The following ERCC6L variants were observed in gnomAD, a reference collection of about 807,000 sequenced individuals.
The protein encoded by ERCC6L is DNA excision repair protein ERCC-6-like.
ERCC6L carries 7 observed loss-of-function variants against 20.1 expected under a neutral mutation model. The ratio of observed to expected loss-of-function variants is 0.35; its 90% CI spans 0.20 to 0.65. The LOEUF (loss-of-function observed/expected upper bound fraction) is 0.65, where lower values mean the gene tolerates loss of function less well. ERCC6L is among the 30% of genes least tolerant of loss of function. ERCC6L has a pLI of 0.69. For missense variants in ERCC6L, 592 were observed against 892.4 expected (o/e 0.66, Z 4.29); for synonymous variants, 278 against 331.3 (o/e 0.84, Z 1.75).
intron 1 of ERCC6L, among the ~76,000 whole-genome samples, chrX:72,231,477 T>A (rs1323634538): frequency 9.0e-6 from 1 of 111,335 alleles, no homozygotes; most frequent in East Asian, 2.8e-4. Flanking sequence ...GAGGAATAGG[T>A]TCTAGTGATC....
chrX:72,213,819 CGT>C (rs1288843819), intron 1 of ERCC6L, among the ~76,000 whole-genome samples: 1 of 111,648 alleles, frequency 9.0e-6, no homozygotes, highest in Non-Finnish European at 1.9e-5. Flanking sequence ...CCTTGGAATC[CGT>C]GAGGCCAAGA....
At chrX:72,227,647 T>C (rs768021285) in intron 1 of ERCC6L, among the ~76,000 whole-genome samples, 1 of 111,322 alleles carries the variant, frequency 9.0e-6, no homozygotes, top group African/African-American at 3.3e-5. Flanking sequence ...CCACAACCCA[T>C]CACTGACTCC....
chrX:72,235,591 T>A (rs2043013037), intron 1 of ERCC6L, among the ~76,000 whole-genome samples: 1 of 109,600 alleles, frequency 9.1e-6, no homozygotes, highest in Non-Finnish European at 1.9e-5. Context: ...AACGGTTTCA[T>A]CACGTTGGCC....
Position 72,205,825 on chromosome X carries a change from A to G in ERCC6L, c.2942T>C (p.Leu981Ser). 8.3e-7 allele frequency: 1 copy of G among 1,211,810 alleles called. No homozygotes were observed. Among genetic ancestry groups the G allele is most frequent in the Non-Finnish European group, 1.1e-6 (1 of 895,523 alleles). Residue 981 changes from leucine to serine, a missense_variant, in exon 2 of 2, where the codon TTG becomes TCG. Around this residue, in one of 3 missense-constraint regions of ERCC6L, gnomAD observed 352 missense variants for 402.6 expected, o/e 0.87. Coordinates refer to ENST00000334463, the MANE Select transcript of ERCC6L (RefSeq NM_017669.4). ...SLEHVEKENS[L>S]CGSAPNSRAG... The stretch of plus-strand genomic sequence containing the variant: ...TCTGGAATTAGGTGCAGAGCCACAC[A>G]AGCTATTTTCTTTCTCAACATGCTC...
Position 72,206,606 on chromosome X carries a change from G to C in ERCC6L, c.2161C>G (p.Gln721Glu). ...GCCCCCTCATTTCTAGTTCTTTGTTGTTCCATCAGGAACTCTTTATTTTGA... is the reference window on the plus strand; with the variant it reads ...GCCCCCTCATTTCTAGTTCTTTGTTCTTCCATCAGGAACTCTTTATTTTGA... ...ESQNKEFLME[Q>E]QRTRNEGAWL... Residue 721 changes from glutamine to glutamate, a missense_variant, in exon 2 of 2, where the codon CAA (glutamine) becomes GAA (glutamate). Physicochemically the swap from Gln to Glu is conservative, Grantham distance 29. This residue lies in a region of ERCC6L where 352 missense variants were observed against 402.6 expected (regional missense o/e 0.87). Coordinates refer to ENST00000334463, the MANE Select transcript of ERCC6L (RefSeq NM_017669.4). The C allele has an allele frequency of 8.3e-7, 1 of 1,211,037 alleles. No individual in the cohort carries two copies. The highest frequency in any genetic ancestry group is 1.1e-6 in the Non-Finnish European group (1 of 895,320).
chrX:72,219,538 A>T (rs1163392805), intron 1 of ERCC6L, among the ~76,000 whole-genome samples: 1 of 103,291 alleles, frequency 9.7e-6, no homozygotes, highest in Non-Finnish European at 2.0e-5. Flanking sequence ...TGGACAACAG[A>T]CTCTGCCTCA....
chrX:72,212,420 C>T (rs1358113726), intron 1 of ERCC6L, among the ~76,000 whole-genome samples: 1 of 111,903 alleles, frequency 8.9e-6, no homozygotes, highest in African/African-American at 3.2e-5. Context: ...AACCTTTCTT[C>T]TCCACAGAGG....
chrX:72,229,022 C>T (rs920388761), intron 1 of ERCC6L, among the ~76,000 whole-genome samples: 2 of 111,183 alleles, frequency 1.8e-5, no homozygotes, highest in African/African-American at 6.6e-5. Flanking sequence ...ACACCCTGGT[C>T]GGCAATTATC....
intron 1 of ERCC6L, among the ~76,000 whole-genome samples, chrX:72,232,167 AAAT>A (rs1480587020): frequency 9.1e-6 from 1 of 109,650 alleles, no homozygotes; most frequent in African/African-American, 3.3e-5. Flanking sequence ...AAATAAAATA[AAAT>A]AATGCCAAAG....
intron 1 of ERCC6L, among the ~76,000 whole-genome samples, chrX:72,229,720 C>T (rs2042972721): frequency 1.8e-5 from 2 of 111,631 alleles, no homozygotes; most frequent in Non-Finnish European, 3.8e-5. Context: ...CCCATCCCAC[C>T]CATCCAATAT....
In ERCC6L at chrX:72,206,205, T is replaced by C; in HGVS notation, c.2562A>G (p.Gln854=). The change falls in exon 2 of 2, where the codon CAA becomes CAG. Residue 854 remains glutamine, a synonymous_variant. Transcript: ENST00000334463. ...QKETLQEGPK[Q]EALQEDPLES... ...CCAGAGGATCCTCTTGCAGTGCCTC[T>C]TGCTTAGGCCCCTCTTGTAATGTCT... is the stretch of plus-strand genomic sequence containing the variant. 2 of 1,211,813 alleles carry C rather than the reference T, an allele frequency of 1.7e-6. No homozygotes were observed. Among genetic ancestry groups the C allele is most frequent in the South Asian group, 3.5e-5 (2 of 56,978 alleles).
intron 1 of ERCC6L, among the ~76,000 whole-genome samples, chrX:72,209,881 G>A (rs938642079): frequency 6.3e-5 from 7 of 111,319 alleles, no homozygotes; most frequent in Non-Finnish European, 1.3e-4. Flanking sequence ...GGATATCCAT[G>A]TGCAAAAGAA....
At chrX:72,231,289 A>G (rs984524935) in intron 1 of ERCC6L, among the ~76,000 whole-genome samples, 2 of 112,084 alleles carry the variant, frequency 1.8e-5, no homozygotes, top group African/African-American at 6.5e-5. Context: ...AACCTAAAAG[A>G]CATTTTGCTA....
intron 1 of ERCC6L, among the ~76,000 whole-genome samples, chrX:72,222,147 CT>C (rs1285405708): frequency 9.0e-6 from 1 of 111,164 alleles, no homozygotes; most frequent in East Asian, 2.8e-4. Flanking sequence ...CGGGAAGTGG[CT>C]GGGGTTGAAG....
rs765734663 is a variant in ERCC6L at position 72,208,641 on chromosome X, T to G, written c.126A>C (p.Lys42Asn). 6 of 1,209,576 alleles carry G rather than the reference T, an allele frequency of 5.0e-6. No homozygotes were observed. The South Asian group carries it at 1.1e-4, about 21-fold the overall frequency. ...AAATGTCCTTTGCCAAATTGAAAAG[T>G]TTAAATGCTTCTTCCAGGTCTCCAT... Reference protein sequence around the residue: ...TKNGDLEEAFKLFNLAKDIFP... With the variant: ...TKNGDLEEAFNLFNLAKDIFP... Residue 42 changes from lysine (K) to asparagine (N), a missense_variant, in exon 2 of 2, where the codon AAA becomes AAC. Lys to Asn is a moderately conservative substitution (Grantham distance 94). Coordinates refer to ENST00000334463, the MANE Select transcript of ERCC6L (RefSeq NM_017669.4).
At chrX:72,220,997 G>A (rs1285538615) in intron 1 of ERCC6L, among the ~76,000 whole-genome samples, 1 of 111,672 alleles carries the variant, frequency 9.0e-6, no homozygotes, top group Non-Finnish European at 1.9e-5. Context: ...AGGGTCTCTG[G>A]TCACCTGCCC....
At position 72,207,120 on chromosome X, in the gene ERCC6L, A is replaced by G; in HGVS notation, c.1647T>C (p.Thr549=). The G allele has an allele frequency of 1.7e-6, 2 of 1,211,485 alleles. No homozygotes were observed. The highest frequency in any genetic ancestry group is 2.2e-6 in the Non-Finnish European group (2 of 895,397). Reference sequence around the variant, plus strand: ...AGCTAGGGTCAAAAATGACCACTCTAGTTGCTGCAGTTAATGTTAAACCGA... The same window carrying G: ...AGCTAGGGTCAAAAATGACCACTCTGGTTGCTGCAGTTAATGTTAAACCGA... The part of the protein sequence containing the change: ...GGVGLTLTAA[T]RVVIFDPSWN... Residue 549 remains threonine (T), a synonymous_variant, in exon 2 of 2, where the codon ACT becomes ACC. Transcript: ENST00000334463.
At chrX:72,233,576 G>A (rs1265836568) in intron 1 of ERCC6L, among the ~76,000 whole-genome samples, 1 of 109,087 alleles carries the variant, frequency 9.2e-6, no homozygotes, top group East Asian at 2.9e-4. Flanking sequence ...CAAAAAATTA[G>A]CTGGGCATGG....
chrX:72,232,528 G>A (rs1364439851), intron 1 of ERCC6L, among the ~76,000 whole-genome samples: 1 of 110,917 alleles, frequency 9.0e-6, no homozygotes, highest in Non-Finnish European at 1.9e-5. Context: ...CGACTTTGCA[G>A]CCAGGCTTGG....
Sources: gnomAD v4.1 joint callset for allele counts (sites outside exome capture counted in the v4.1 genomes callset) on GRCh38, gnomAD v4.1.1 for gene constraint, gnomAD v4.1.1 regional missense constraint, MANE v1.5 for transcripts, NCBI Gene and HGNC (gene_info 2026-07-23, HGNC 2026-07-21) for gene names.